The following PICK1 variants were observed in gnomAD, a reference collection of about 807,000 sequenced individuals.
The protein encoded by PICK1 is protein interacting with PRKCA 1, also known as PRKCA-binding protein.
Under a neutral mutation model 48.9 loss-of-function variants are expected in PICK1, and 23 were observed. The ratio of observed to expected loss-of-function variants is 0.47; its 90% CI spans 0.34 to 0.67. The LOEUF is 0.67. PICK1 is among the 30% of genes least tolerant of loss of function. The pLI, the probability that PICK1 is intolerant of heterozygous loss-of-function variation, is 0.01. For missense variants in PICK1, 423 were observed against 557.1 expected (o/e 0.76, Z 2.42); for synonymous variants, 217 against 228.2 (o/e 0.95, Z 0.44).
rs2085815245 is a variant in PICK1, at chr22:38,075,310, G to T, written c.*178G>T. 6 of 633,842 alleles carry T rather than the reference G, an allele frequency of 9.5e-6. No homozygotes were observed. In the South Asian group the frequency reaches 1.2e-4, roughly 13 times the overall value. 39.3% of individuals were successfully genotyped at this position (633,842 alleles called of 1,614,324 possible). A position where few individuals can be genotyped will look rare whatever the true frequency, so the allele number is the denominator to read the frequency against. ...GCTCCTGCCCAGGACAGGCACCAGGGTCATGGCCTGGGACCTGGACACTGG... is the reference window on the plus strand; with the variant it reads ...GCTCCTGCCCAGGACAGGCACCAGGTTCATGGCCTGGGACCTGGACACTGG... On this transcript the variant is annotated 3_prime_UTR_variant, in exon 13 of 13. Transcript: ENST00000356976.
intron 3 of PICK1, among the ~76,000 whole-genome samples, chr22:38,063,154 A>G (rs111773806): frequency 5.4e-5 from 8 of 147,670 alleles, no homozygotes; most frequent in African/African-American, 1.7e-4. Context: ...AAAATTTACC[A>G]TCTTAACTTT....
In PICK1 at chr22:38,075,158, G is replaced by A. The variant is rs764460410; in HGVS notation, c.*26G>A. ...GTGCCCCGCGGCTGTGGTGCCGGGGGCAGGGTGCGTGGGAGGACGGAGCCT... is the reference window on the plus strand; with the variant it reads ...GTGCCCCGCGGCTGTGGTGCCGGGGACAGGGTGCGTGGGAGGACGGAGCCT... On this transcript the variant is annotated 3_prime_UTR_variant, in exon 13 of 13. Transcript: ENST00000356976. 6.3e-7 allele frequency: 1 copy of A among 1,599,478 alleles called. No individual in the cohort carries two copies. The highest frequency in any genetic ancestry group is 1.7e-5 in the Admixed American group (1 of 59,510).
intron 8 of PICK1, 127 bp from the exon 9 acceptor site, chr22:38,072,350 G>T (rs1215041370): frequency 9.1e-7 from 1 of 1,102,156 alleles, no homozygotes; most frequent in Admixed American, 2.1e-5. Context: ...TCTCTTGGAG[G>T]TGTAGCCCCT....
chr22:38,072,033 C>A (rs943513653), intron 8 of PICK1: 12 of 518,886 alleles, frequency 2.3e-5, no homozygotes, highest in Non-Finnish European at 4.2e-5. Flanking sequence ...TCTGGGCAGG[C>A]CGACTGCAGC....
chr22:38,063,898 A>G (rs1433914195), intron 3 of PICK1, among the ~76,000 whole-genome samples: 1 of 151,600 alleles, frequency 6.6e-6, no homozygotes, highest in Non-Finnish European at 1.5e-5. Flanking sequence ...ATTTTTATGA[A>G]GTTCAATTTG....
At chr22:38,060,591 A>C (rs3952) in intron 3 of PICK1, among the ~76,000 whole-genome samples, 1 of 151,814 alleles carries the variant, frequency 6.6e-6, no homozygotes, top group South Asian at 2.1e-4. Context: ...TGCCTCCTTC[A>C]TGAGCCATTC....
chr22:38,074,971 G>T lies in PICK1; in HGVS notation c.1087G>T (p.Asp363Tyr). ...RDADVFPIEV[D>Y]LAHTTLAYGL... is the part of the protein sequence containing the mutation. ...TGCCGACGTCTTCCCCATCGAGGTA[G>T]ACCTGGCGCACACCACATTGGCCTA... is the stretch of plus-strand genomic sequence containing the variant. The change falls in exon 13 of 13, where the codon GAC becomes TAC. Residue 363 changes from aspartate (D) to tyrosine (Y), a missense_variant. Around this residue, in one of 2 missense-constraint regions of PICK1, gnomAD observed 144 missense variants for 139.3 expected, o/e 1.03. Coordinates refer to ENST00000356976, the MANE Select transcript of PICK1 (RefSeq NM_012407.4). The surrounding 1 kb of genome is among the most constrained non-coding windows in gnomAD (Gnocchi z 4.5). The T allele has an allele frequency of 6.2e-7, 1 of 1,613,786 alleles. No homozygotes were observed. Among genetic ancestry groups the T allele is most frequent in the Non-Finnish European group, 8.5e-7 (1 of 1,180,046 alleles).
At chr22:38,067,965 G>C (rs1218446782) in intron 5 of PICK1, 195 bp downstream of exon 5, 7 of 681,298 alleles carry the variant, frequency 1.0e-5, no homozygotes, top group Non-Finnish European at 1.7e-5. Flanking sequence ...CCCTGCATCT[G>C]TTCTTGTACT....
Position 38,062,437 on chromosome 22 carries a change from G to A in PICK1, c.154-2565G>A, listed in dbSNP as rs944194535. Among the ~76,000 whole-genome samples the A allele has an allele frequency of 6.6e-5, 10 of 151,852 alleles. No individual in the cohort carries two copies. The South Asian group carries it at 1.2e-3, about 19-fold the overall frequency. On this transcript the variant is annotated intron_variant, in intron 3 of 12. Transcript: ENST00000356976. ...TAATTCTTGTATTTTTAGTAGAGACGGGGTTTCACCATGTTGGTCAGGCTG... is the reference window on the plus strand; with the variant it reads ...TAATTCTTGTATTTTTAGTAGAGACAGGGTTTCACCATGTTGGTCAGGCTG...
rs750903999 is a variant in PICK1, at chr22:38,075,169, G to A, written c.*37G>A. 46 of 1,588,030 alleles carry A rather than the reference G, an allele frequency of 2.9e-5. No homozygotes were observed. The highest frequency in any genetic ancestry group is 2.1e-4 in the Middle Eastern group (1 of 4,854). On this transcript the variant is annotated 3_prime_UTR_variant, in exon 13 of 13. Coordinates refer to ENST00000356976, the MANE Select transcript of PICK1 (RefSeq NM_012407.4). ...CTGTGGTGCCGGGGGCAGGGTGCGT[G>A]GGAGGACGGAGCCTGGGAGCGGGGC...
rs1292016452 is a variant in PICK1 at position 38,074,952 on chromosome 22, C to T, written c.1068C>T (p.Asp356=). Residue 356 remains aspartate (D), a synonymous_variant, in exon 13 of 13, where the codon GAC becomes GAT. Coordinates refer to ENST00000356976, the MANE Select transcript of PICK1 (RefSeq NM_012407.4). This position sits in a 1 kb window ranked among gnomAD's most constrained non-coding sequence, Gnocchi z 4.5. ...GCTACGCAGTGCTGCGGGATGCCGA[C>T]GTCTTCCCCATCGAGGTAGACCTGG... ...NDCYAVLRDA[D]VFPIEVDLAH... 1.2e-6 allele frequency: 2 copies of T among 1,613,654 alleles called. No homozygotes were observed. The highest frequency in any genetic ancestry group is 1.3e-5 in the African/African-American group (1 of 74,954).
intron 5 of PICK1, 89 bp from the exon 6 acceptor site, chr22:38,068,944 G>T: frequency 2.8e-6 from 3 of 1,070,018 alleles, no homozygotes; most frequent in South Asian, 1.3e-5. Flanking sequence ...GCCCCCTGTG[G>T]GGTGCTCCCT....
Position 38,072,584 on chromosome 22 carries a change from A to G in PICK1, c.664A>G (p.Ile222Val). The G allele has an allele frequency of 6.2e-7, 1 of 1,613,388 alleles. No homozygotes were observed. The highest frequency in any genetic ancestry group is 8.5e-7 in the Non-Finnish European group (1 of 1,180,044). Residue 222 changes from isoleucine (I) to valine (V), a missense_variant, in exon 9 of 13, where the codon ATT becomes GTT. By Grantham distance (29) the Ile-to-Val change is conservative (BLOSUM62 3). Around this residue, in one of 2 missense-constraint regions of PICK1, gnomAD observed 279 missense variants for 417.8 expected, o/e 0.67. Coordinates refer to ENST00000356976, the MANE Select transcript of PICK1 (RefSeq NM_012407.4). ...DAHRSIEKFG[I>V]RLLKTIKPML... is the part of the protein sequence containing the mutation. Reference sequence around the variant, plus strand: ...CCACCGCAGCATCGAGAAGTTCGGCATTCGGCTTCTGAAAACCATCAAGCC... The same window carrying G: ...CCACCGCAGCATCGAGAAGTTCGGCGTTCGGCTTCTGAAAACCATCAAGCC...
intron 3 of PICK1, among the ~76,000 whole-genome samples, chr22:38,060,775 GTC>G (rs1439542653): frequency 6.8e-6 from 1 of 147,516 alleles, no homozygotes; most frequent in African/African-American, 2.5e-5. Flanking sequence ...TTGAGACAGA[GTC>G]TCACTGTGTT....
chr22:38,068,929 C>G, intron 5 of PICK1, 104 bp from the exon 6 acceptor site: 2 of 919,956 alleles, frequency 2.2e-6, no homozygotes, highest in Non-Finnish European at 3.5e-6. Context: ...CCCAGCAGCC[C>G]TTCTGCCCCC....
intron 3 of PICK1, among the ~76,000 whole-genome samples, chr22:38,060,456 G>T (rs1197238895): frequency 6.6e-6 from 1 of 152,188 alleles, no homozygotes; most frequent in Non-Finnish European, 1.5e-5. Flanking sequence ...GGGAATACCT[G>T]TTCTAACCCT....
Position 38,073,557 on chromosome 22 carries a change from C to T in PICK1, c.784-216C>T, listed in dbSNP as rs2085753963. ...TTCCTAAGCTCCTTTAACGACAGACCCCTTTTTCCCCAGAGCATCTCTTGG... is the reference window on the plus strand; with the variant it reads ...TTCCTAAGCTCCTTTAACGACAGACTCCTTTTTCCCCAGAGCATCTCTTGG... On this transcript the variant is annotated intron_variant, in intron 10 of 12. Coordinates refer to ENST00000356976, the MANE Select transcript of PICK1 (RefSeq NM_012407.4). This position sits in a 1 kb window ranked among gnomAD's most constrained non-coding sequence, Gnocchi z 5.7. Among the ~76,000 whole-genome samples, 1 of 152,128 alleles carries T rather than the reference C, an allele frequency of 6.6e-6. No individual in the cohort carries two copies. The highest frequency in any genetic ancestry group is 2.1e-4 in the South Asian group (1 of 4,830).
In PICK1 at chr22:38,074,117, G is replaced by C. The variant is rs945842735; in HGVS notation, c.835-190G>C. Reference sequence around the variant, plus strand: ...GCTGTCGGGATCCATTTCGTGGCCAGTGTTCATTGAATGTGGCAGAGGTTT... The same window carrying C: ...GCTGTCGGGATCCATTTCGTGGCCACTGTTCATTGAATGTGGCAGAGGTTT... On this transcript the variant is annotated intron_variant, in intron 11 of 12. Transcript: ENST00000356976. The surrounding 1 kb of genome is among the most constrained non-coding windows in gnomAD (Gnocchi z 4.5). 1 of 674,798 alleles carries C rather than the reference G, an allele frequency of 1.5e-6. No individual in the cohort carries two copies. Among genetic ancestry groups the C allele is most frequent in the Non-Finnish European group, 2.5e-6 (1 of 398,580 alleles). The allele number at this position is 674,798 out of a possible 1,614,324, so 41.8% of individuals were successfully genotyped here.
intron 6 of PICK1, among the ~76,000 whole-genome samples, chr22:38,069,549 C>T (rs11089860): frequency 8.5e-5 from 13 of 152,174 alleles, no homozygotes; most frequent in East Asian, 3.9e-4. Flanking sequence ...CATTTACACA[C>T]GCATGCACAC....
Sources: allele counts gnomAD v4.1 joint callset (sites outside exome capture counted in the v4.1 genomes callset), GRCh38; gene constraint gnomAD v4.1.1; regional missense constraint gnomAD v4.1.1; non-coding constraint Gnocchi (gnomAD v3.1); transcripts MANE v1.5; gene names NCBI Gene and HGNC (gene_info 2026-07-23, HGNC 2026-07-21).